GNAS-AS1: variants seen among roughly 807,000 people sequenced by gnomAD.
The protein encoded by GNAS-AS1 is GNAS antisense RNA 1.
At chr20:58,848,855 G>A (rs2086044392) in intron 2 of GNAS-AS1, 2 of 398,366 alleles carry the variant, frequency 5.0e-6, no homozygotes, top group East Asian at 7.1e-5. Flanking sequence ...CATTACTGAT[G>A]TTTCAGCTCT....
chr20:58,843,123 G>GC (rs2085802054), intron 2 of GNAS-AS1, among the ~76,000 whole-genome samples: 1 of 151,778 alleles, frequency 6.6e-6, no homozygotes. Context: ...AAACTGCCTC[G>GC]CCATCTGCAT....
Position 58,841,705 on chromosome 20 carries a change from A to G in GNAS-AS1, n.819+232T>C, listed in dbSNP as rs3787497. The stretch of plus-strand genomic sequence containing the variant: ...AGAGGAGGTAAGGGGACCCTTGGGG[A>G]TGCCCCTACGGGCTACCAGGGTTGA... On this transcript the variant is annotated intron_variant and non_coding_transcript_variant, in intron 4 of 4. Transcript: ENST00000424094. The surrounding 1 kb of genome is among the most constrained non-coding windows in gnomAD (Gnocchi z 5.0). 767,879 of 1,210,660 alleles carry G rather than the reference A, an allele frequency of 0.63. 246,174 individuals are homozygous for G. Among genetic ancestry groups the G allele is most frequent in the East Asian group, 0.77 (23,364 of 30,232 alleles). The allele number at this position is 1,210,660 out of a possible 1,614,324, so 75.0% of individuals were successfully genotyped here. A position where few individuals can be genotyped will look rare whatever the true frequency, so the allele number is the denominator to read the frequency against.
intron 4 of GNAS-AS1, among the ~76,000 whole-genome samples, chr20:58,835,160 G>A (rs1393029230): frequency 1.3e-5 from 2 of 152,118 alleles, no homozygotes; most frequent in Non-Finnish European, 2.9e-5. Context: ...ACAGTGAGGG[G>A]TAGCGAGTGC....
chr20:58,820,726 G>A (rs988338135), intron 4 of GNAS-AS1, among the ~76,000 whole-genome samples: 7 of 152,254 alleles, frequency 4.6e-5, no homozygotes, highest in Non-Finnish European at 8.8e-5. Flanking sequence ...TTACATGGAT[G>A]GCAGCAGGCA....
chr20:58,844,797 CA>C (rs148823649), intron 2 of GNAS-AS1, among the ~76,000 whole-genome samples: 10 of 139,208 alleles, frequency 7.2e-5, no homozygotes, highest in East Asian at 4.2e-4. Context: ...GACTCCATCT[CA>C]AAAAAAAAAC....
At chr20:58,849,283 T>C (rs774437053) in intron 1 of GNAS-AS1, among the ~76,000 whole-genome samples, 1 of 152,202 alleles carries the variant, frequency 6.6e-6, no homozygotes, top group South Asian at 2.1e-4. Context: ...TGAGATGTGC[T>C]GAGTGGTTCT....
At chr20:58,846,882 C>T (rs1226800860) in intron 2 of GNAS-AS1, among the ~76,000 whole-genome samples, 1 of 152,208 alleles carries the variant, frequency 6.6e-6, no homozygotes, top group African/African-American at 2.4e-5. Flanking sequence ...TTAAGCAGAG[C>T]TTCCACTAAA....
At chr20:58,845,238 T>A (rs948988940) in intron 2 of GNAS-AS1, among the ~76,000 whole-genome samples, 1 of 152,222 alleles carries the variant, frequency 6.6e-6, no homozygotes, top group South Asian at 2.1e-4. Flanking sequence ...GTAACAGTTT[T>A]AAGTGTTTTG....
chr20:58,840,183 G>T lies in GNAS-AS1; in HGVS notation n.819+1754C>A, dbSNP rs774700482. On this transcript the variant is annotated intron_variant and non_coding_transcript_variant, in intron 4 of 4. Transcript: ENST00000424094. The surrounding 1 kb of genome is among the most constrained non-coding windows in gnomAD (Gnocchi z 6.0). ...AACGACCTGTGCCCGCCCATAGGCC[G>T]CCGGGCAGCCACCGCGCTCCTCTGG... 3 of 1,611,320 alleles carry T rather than the reference G, an allele frequency of 1.9e-6. No individual in the cohort carries two copies. The highest frequency in any genetic ancestry group is 2.5e-6 in the Non-Finnish European group (3 of 1,179,924).
At chr20:58,846,346 A>G (rs1034254681) in intron 2 of GNAS-AS1, among the ~76,000 whole-genome samples, 2 of 152,172 alleles carry the variant, frequency 1.3e-5, no homozygotes, top group African/African-American at 4.8e-5. Context: ...AACATTAGGA[A>G]GGGCATTTTT....
At chr20:58,820,876 G>A (rs540098880) in intron 4 of GNAS-AS1, among the ~76,000 whole-genome samples, 10 of 152,288 alleles carry the variant, frequency 6.6e-5, no homozygotes, top group East Asian at 3.9e-4. Context: ...CCCATGACAC[G>A]TGGGAATTGT....
At chr20:58,826,494 G>C (rs1378782577) in intron 4 of GNAS-AS1, among the ~76,000 whole-genome samples, 4 of 152,178 alleles carry the variant, frequency 2.6e-5, no homozygotes, top group Non-Finnish European at 5.9e-5. Flanking sequence ...AGGGGAACAG[G>C]GACCTGAATT....
chr20:58,830,321 T>C (rs879246298), intron 4 of GNAS-AS1, among the ~76,000 whole-genome samples: 181 of 18,312 alleles, frequency 9.9e-3, no homozygotes, highest in Admixed American at 0.012. Context: ...CACCACACCA[T>C]CATCATCACC....
At chr20:58,837,117 C>G (rs1403983569) in intron 4 of GNAS-AS1, among the ~76,000 whole-genome samples, 1 of 152,154 alleles carries the variant, frequency 6.6e-6, no homozygotes, top group Non-Finnish European at 1.5e-5. Context: ...TTGCTGACAG[C>G]TGACATTAGT....
chr20:58,828,756 C>A (rs191650019), intron 4 of GNAS-AS1, among the ~76,000 whole-genome samples: 2 of 152,360 alleles, frequency 1.3e-5, no homozygotes, highest in Admixed American at 6.5e-5. Flanking sequence ...TGTCTTGATA[C>A]CTTGTCACGT....
intron 4 of GNAS-AS1, chr20:58,839,939 A>T (rs2085655809): frequency 1.1e-5 from 7 of 666,118 alleles, no homozygotes; most frequent in Non-Finnish European, 1.8e-5. Context: ...GTGGTCAGGA[A>T]GGTAGGTGCT....
rs1225542550 is a variant in GNAS-AS1, at chr20:58,840,978, C to A, written n.819+959G>T. The stretch of plus-strand genomic sequence containing the variant: ...GTGAGAAGGAAAGGCAGGTCAGGGG[C>A]GAGTGGGAAGAGAGGAGGCTCAGCT... On this transcript the variant is annotated intron_variant and non_coding_transcript_variant, in intron 4 of 4. Coordinates refer to ENST00000424094, the Ensembl canonical transcript of GNAS-AS1. The surrounding 1 kb of genome is among the most constrained non-coding windows in gnomAD (Gnocchi z 6.0). The A allele has an allele frequency of 1.3e-5, 18 of 1,364,980 alleles. No homozygotes were observed. The highest frequency in any genetic ancestry group is 3.1e-6 in the Non-Finnish European group (3 of 979,322). The allele number at this position is 1,364,980 out of a possible 1,614,324, so 84.6% of individuals were successfully genotyped here.
chr20:58,843,035 G>C (rs2085797199), intron 2 of GNAS-AS1, among the ~76,000 whole-genome samples: 1 of 152,166 alleles, frequency 6.6e-6, no homozygotes, highest in African/African-American at 2.4e-5. Context: ...TTCCTGAACT[G>C]TAAGCAATGT....
Position 58,840,175 on chromosome 20 carries a change from C to T in GNAS-AS1, n.819+1762G>A. On this transcript the variant is annotated intron_variant and non_coding_transcript_variant, in intron 4 of 4. Coordinates refer to ENST00000424094, the Ensembl canonical transcript of GNAS-AS1. This position sits in a 1 kb window ranked among gnomAD's most constrained non-coding sequence, Gnocchi z 6.0. ...ATAATTACAACGACCTGTGCCCGCC[C>T]ATAGGCCGCCGGGCAGCCACCGCGC... 3.7e-6 allele frequency: 6 copies of T among 1,611,652 alleles called. No individual in the cohort carries two copies. The highest frequency in any genetic ancestry group is 5.1e-6 in the Non-Finnish European group (6 of 1,179,944).
Sources: allele counts gnomAD v4.1 joint callset (sites outside exome capture counted in the v4.1 genomes callset), GRCh38; gene constraint gnomAD v4.1.1; non-coding constraint Gnocchi (gnomAD v3.1); transcripts MANE v1.5; gene names NCBI Gene and HGNC (gene_info 2026-07-23, HGNC 2026-07-21).